Variants in LYRM4 observed in about 807,000 individuals in gnomAD.
The protein encoded by LYRM4 is LYR motif containing 4.
Under a neutral mutation model 11.7 loss-of-function variants are expected in LYRM4, and 9 were observed. The observed-to-expected ratio is 0.77, with a 90% CI of 0.46 to 1.34. The LOEUF is 1.34. Ranked by LOEUF, LYRM4 falls within the 40% of genes most tolerant of loss-of-function variation. The pLI is 0.00. For synonymous variants in LYRM4, 42 were observed against 40.4 expected (o/e 1.04, Z -0.15); for missense variants, 133 against 112.5 (o/e 1.18, Z -0.82).
chr6:5,175,014 T>G (rs1487681043), intron 2 of LYRM4, among the ~76,000 whole-genome samples: 1 of 152,256 alleles, frequency 6.6e-6, no homozygotes, highest in Non-Finnish European at 1.5e-5. Flanking sequence ...GTCTATTTAT[T>G]GAGCGCCTAG....
At chr6:5,243,908 A>G (rs1764024064) in intron 1 of LYRM4, among the ~76,000 whole-genome samples, 1 of 152,228 alleles carries the variant, frequency 6.6e-6, no homozygotes, top group African/African-American at 2.4e-5. Flanking sequence ...CCTACACCAA[A>G]TTTTGCCCAT....
At chr6:5,064,100 C>T in the LYRM4 span, among the ~76,000 whole-genome samples, 1 of 152,070 alleles carries the variant, frequency 6.6e-6, no homozygotes, top group African/African-American at 2.4e-5. Context: ...CTTTTGGGAG[C>T]CTGTTTCTAA....
Position 5,151,578 on chromosome 6 carries a change from T to C in LYRM4, c.208-42087A>G, listed in dbSNP as rs191715945. Among the ~76,000 whole-genome samples, 188 of 152,294 alleles carry C rather than the reference T, an allele frequency of 1.2e-3. 1 individual carries two copies. The highest frequency in any genetic ancestry group is 4.4e-3 in the African/African-American group (183 of 41,550). Reference sequence around the variant, plus strand: ...AATGCTTATCCTGCCCTCGGTGGCATATGCTATCTCCTGTATCAATTCGCC... The same window carrying C: ...AATGCTTATCCTGCCCTCGGTGGCACATGCTATCTCCTGTATCAATTCGCC... On this transcript the variant is annotated intron_variant, in intron 2 of 2. Coordinates refer to ENST00000330636, the MANE Select transcript of LYRM4 (RefSeq NM_020408.6).
At chr6:5,085,738 T>C in the LYRM4 span, 3 of 1,541,892 alleles carry the variant, frequency 1.9e-6, no homozygotes, top group Non-Finnish European at 2.6e-6. Context: ...CGCGCGCTCC[T>C]TTTCCTTGCC....
At chr6:5,163,345 T>G (rs947168065) in intron 2 of LYRM4, among the ~76,000 whole-genome samples, 3 of 152,128 alleles carry the variant, frequency 2.0e-5, no homozygotes, top group African/African-American at 7.2e-5. Context: ...CACGCCACCT[T>G]TGACATAATC....
rs147045220 is a variant in LYRM4, at chr6:5,241,003, C to T, written c.86+19645G>A. On this transcript the variant is annotated intron_variant, in intron 1 of 2. Transcript: ENST00000330636. ...GGAAAAACGTTGGCTTTGGAGAATC[C>T]GGTGTTAAGCTGGCTCCATACCAAC... Among the ~76,000 whole-genome samples, 198 of 152,278 alleles carry T rather than the reference C, an allele frequency of 1.3e-3. 1 individual carries two copies. The highest frequency in any genetic ancestry group is 4.2e-3 in the African/African-American group (175 of 41,560).
chr6:5,099,617 CT>C (rs751662108), downstream of LYRM4, among the ~76,000 whole-genome samples: 165 of 152,138 alleles, frequency 1.1e-3, 1 homozygote, highest in Middle Eastern at 0.017. The surrounding 1 kb of genome is among the most constrained non-coding windows in gnomAD (Gnocchi z 4.3). Context: ...TTTTTTATTT[CT>C]TTTGTTTTGA....
intron 1 of LYRM4, among the ~76,000 whole-genome samples, chr6:5,229,277 G>A (rs1763091318): frequency 6.6e-6 from 1 of 152,148 alleles, no homozygotes; most frequent in African/African-American, 2.4e-5. Flanking sequence ...TGGAAACAGT[G>A]TGGGCAGACT....
the LYRM4 span, among the ~76,000 whole-genome samples, chr6:5,051,721 AT>A: frequency 6.6e-6 from 1 of 151,920 alleles, no homozygotes; most frequent in East Asian, 1.9e-4. Context: ...TTGCTAGGTA[AT>A]TTTTTTTAAT....
rs189462682 is a variant in LYRM4 at position 5,165,611 on chromosome 6, C to T, written c.207+51007G>A. Among the ~76,000 whole-genome samples, 1,211 of 151,642 alleles carry T rather than the reference C, an allele frequency of 8.0e-3. 5 individuals carry two copies. The highest frequency in any genetic ancestry group is 0.041 in the Middle Eastern group (12 of 294). ...AGGCTGGAGTGCAGTGGCGCGATCT[C>T]GGCTCACTGCAGCCTCCACCTCCCA... is the stretch of plus-strand genomic sequence containing the variant. On this transcript the variant is annotated intron_variant, in intron 2 of 2. Transcript: ENST00000330636.
intron 2 of LYRM4, among the ~76,000 whole-genome samples, chr6:5,165,964 ATTAT>A (rs1759065726): frequency 6.6e-6 from 1 of 152,336 alleles, no homozygotes; most frequent in South Asian, 2.1e-4. Flanking sequence ...AGAAATTTAG[ATTAT>A]TTAAGCAAAC....
the LYRM4 span, chr6:5,086,376 C>G: frequency 2.0e-6 from 3 of 1,536,106 alleles, no homozygotes; most frequent in East Asian, 2.4e-5. Flanking sequence ...AGCCAGGCGC[C>G]GAGTGCTTCC....
intron 2 of LYRM4, among the ~76,000 whole-genome samples, chr6:5,196,272 T>A (rs185339507): frequency 5.6e-4 from 85 of 152,320 alleles, no homozygotes; most frequent in Non-Finnish European, 9.3e-4. Flanking sequence ...GGAGTGCAGG[T>A]CCTGGAGCCT....
chr6:5,133,565 C>T (rs1764053834), intron 2 of LYRM4, among the ~76,000 whole-genome samples: 2 of 152,176 alleles, frequency 1.3e-5, no homozygotes, highest in Non-Finnish European at 2.9e-5. Context: ...TTATTAATTA[C>T]TTGGTCTGGG....
chr6:5,099,836 G>A (rs1762446459), downstream of LYRM4, among the ~76,000 whole-genome samples: 3 of 152,156 alleles, frequency 2.0e-5, no homozygotes, highest in African/African-American at 4.8e-5. This position sits in a 1 kb window ranked among gnomAD's most constrained non-coding sequence, Gnocchi z 4.3. Context: ...TTGAACCCAG[G>A]TCAATCTGAC....
the LYRM4 span, among the ~76,000 whole-genome samples, chr6:5,056,208 C>A: frequency 6.6e-6 from 1 of 152,154 alleles, no homozygotes. Context: ...TTTTAAAAAA[C>A]AGTTGGATCC....
At chr6:5,085,978 C>T in the LYRM4 span, 7 of 1,526,844 alleles carry the variant, frequency 4.6e-6, no homozygotes, top group Admixed American at 5.9e-5. Flanking sequence ...CTCGCGCCTC[C>T]GAAGCTTCCC....
intron 2 of LYRM4, among the ~76,000 whole-genome samples, chr6:5,189,138 T>C (rs1337121929): frequency 6.6e-6 from 1 of 152,254 alleles, no homozygotes; most frequent in Non-Finnish European, 1.5e-5. Context: ...TTACATACAA[T>C]TGTTATTAAT....
intron 2 of LYRM4, among the ~76,000 whole-genome samples, chr6:5,215,431 C>T (rs76007829): frequency 0.018 from 2,670 of 152,256 alleles, 29 homozygotes; most frequent in Middle Eastern, 0.037. Flanking sequence ...TTCTGAGTAC[C>T]TTACTATCCT....
Sources: allele counts gnomAD v4.1 joint callset (sites outside exome capture counted in the v4.1 genomes callset), GRCh38; gene constraint gnomAD v4.1.1; non-coding constraint Gnocchi (gnomAD v3.1); transcripts MANE v1.5; gene names NCBI Gene and HGNC (gene_info 2026-07-23, HGNC 2026-07-21).